The following LRFN2 variants were observed in gnomAD, a reference collection of about 807,000 sequenced individuals.
The protein encoded by LRFN2 is leucine rich repeat and fibronectin type III domain containing 2.
In LRFN2, 18 loss-of-function variants were observed where a neutral mutation model predicts 37.3. The observed-to-expected ratio is 0.48, with a 90% CI of 0.33 to 0.72. LRFN2 has a LOEUF of 0.72. Among genes scored for constraint, LRFN2 ranks in the 30% least tolerant of loss-of-function variants. The probability of loss-of-function intolerance (pLI) is 0.02; values close to 1 mark genes in which losing one functional copy is unlikely to be tolerated. For missense variants in LRFN2, 1,006 were observed against 1,060.7 expected, an observed-to-expected ratio of 0.95 and a Z score of 0.72; for synonymous variants, 556 against 466.6, an observed-to-expected ratio of 1.19 and a Z score of -2.47.
At chr6:40,498,294 C>T (rs933518748) in intron 1 of LRFN2, among the ~76,000 whole-genome samples, 2 of 152,182 alleles carry the variant, frequency 1.3e-5, no homozygotes, top group African/African-American at 4.8e-5. Flanking sequence ...CTTCTGCCCT[C>T]AGGTCCTTCC....
Position 40,540,305 on chromosome 6 carries a change from G to C in LRFN2, c.-19+46636C>G, listed in dbSNP as rs568630408. Among the ~76,000 whole-genome samples the C allele has an allele frequency of 3.0e-4, 46 of 152,326 alleles. No homozygotes were observed. In the South Asian group the frequency reaches 9.1e-3, roughly 30 times the overall value. On this transcript the variant is annotated intron_variant, in intron 1 of 2. Coordinates refer to ENST00000338305, the MANE Select transcript of LRFN2 (RefSeq NM_020737.3). ...GTTGCTGATTGTGAGTTGGCCCCTAGGCCAGCCCGTCCCTCCTCTGGGGTT... is the reference window on the plus strand; with the variant it reads ...GTTGCTGATTGTGAGTTGGCCCCTACGCCAGCCCGTCCCTCCTCTGGGGTT...
In LRFN2 at chr6:40,566,119, A is replaced by C. The variant is rs1767085663; in HGVS notation, c.-19+20822T>G. ...CAAAAGAAGACATTTATGCAGCCAA[A>C]AAACACATGAAAAAATGCTCATCAT... is the stretch of plus-strand genomic sequence containing the variant. On this transcript the variant is annotated intron_variant, in intron 1 of 2. Coordinates refer to ENST00000338305, the MANE Select transcript of LRFN2 (RefSeq NM_020737.3). Among the ~76,000 whole-genome samples, 3 of 152,372 alleles carry C rather than the reference A, an allele frequency of 2.0e-5. No homozygotes were observed. In the South Asian group the frequency reaches 6.2e-4, roughly 32 times the overall value.
At chr6:40,565,022 A>G (rs1767063155) in intron 1 of LRFN2, among the ~76,000 whole-genome samples, 1 of 152,220 alleles carries the variant, frequency 6.6e-6, no homozygotes, top group Non-Finnish European at 1.5e-5. Context: ...CTGTCAGTTC[A>G]ACTGAAAGCC....
chr6:40,431,938 G>C lies in LRFN2; in HGVS notation c.1176C>G (p.Pro392=). The C allele has an allele frequency of 6.2e-7, 1 of 1,613,280 alleles. No individual in the cohort carries two copies. Among genetic ancestry groups the C allele is most frequent in the Middle Eastern group, 1.7e-4 (1 of 6,050 alleles). ...LSNSTSRTAP[P]KSRLSDITGS... ...CAGTGATGTCTGAGAGGCGGGACTT[G>C]GGGGGTGCAGTGCGGCTGGTGCTGT... is the stretch of plus-strand genomic sequence containing the variant. Residue 392 remains proline (P), a synonymous_variant, in exon 2 of 3, where the codon CCC becomes CCG. Transcript: ENST00000338305.
At chr6:40,478,377 T>A (rs1470517126) in intron 1 of LRFN2, among the ~76,000 whole-genome samples, 1 of 152,230 alleles carries the variant, frequency 6.6e-6, no homozygotes, top group Non-Finnish European at 1.5e-5. Flanking sequence ...TATTTGTATA[T>A]GTTTACTCTG....
intron 1 of LRFN2, among the ~76,000 whole-genome samples, chr6:40,527,341 C>T (rs114372694): frequency 0.018 from 2,729 of 152,324 alleles, 47 homozygotes; most frequent in Admixed American, 0.039. Context: ...TTCAATGATG[C>T]TTACTCTGCA....
intron 1 of LRFN2, among the ~76,000 whole-genome samples, chr6:40,440,332 C>G (rs1403750803): frequency 6.6e-6 from 1 of 152,182 alleles, no homozygotes; most frequent in Non-Finnish European, 1.5e-5. Context: ...TGTGTTGCAA[C>G]ACAATTATGT....
intron 1 of LRFN2, among the ~76,000 whole-genome samples, chr6:40,453,554 A>ACACC (rs537437565): frequency 0.14 from 17,593 of 128,250 alleles, 1,936 homozygotes; most frequent in Middle Eastern, 0.18. Flanking sequence ...ACACACACAC[A>ACACC]CCTCCCTTTG....
rs144958575 is a variant in LRFN2, at chr6:40,559,124, G to T, written c.-19+27817C>A. Among the ~76,000 whole-genome samples the T allele has an allele frequency of 7.2e-5, 11 of 152,152 alleles. No individual in the cohort carries two copies. The South Asian group carries it at 1.5e-3, about 20-fold the overall frequency. On this transcript the variant is annotated intron_variant, in intron 1 of 2. Coordinates refer to ENST00000338305, the MANE Select transcript of LRFN2 (RefSeq NM_020737.3). ...AGAGATGAAGCCTCTGATGATATTGGGGGGAGGATGGATGGCCGCTGGGTG... is the reference window on the plus strand; with the variant it reads ...AGAGATGAAGCCTCTGATGATATTGTGGGGAGGATGGATGGCCGCTGGGTG...
chr6:40,551,240 A>G (rs1766773436), intron 1 of LRFN2, among the ~76,000 whole-genome samples: 1 of 152,210 alleles, frequency 6.6e-6, no homozygotes, highest in African/African-American at 2.4e-5. Context: ...TCCGGGCACT[A>G]TTCTGGGCAA....
At chr6:40,573,935 T>C (rs919388300) in intron 1 of LRFN2, among the ~76,000 whole-genome samples, 2 of 152,214 alleles carry the variant, frequency 1.3e-5, no homozygotes, top group African/African-American at 4.8e-5. Context: ...CACTGCAGCC[T>C]GGGCAACAAG....
In LRFN2 at chr6:40,392,093, G is replaced by T. The variant is rs200381010; in HGVS notation, c.2220C>A (p.Gly740=). 3 of 1,613,764 alleles carry T rather than the reference G, an allele frequency of 1.9e-6. No homozygotes were observed. Among genetic ancestry groups the T allele is most frequent in the East Asian group, 2.2e-5 (1 of 44,856 alleles). Reference sequence around the variant, plus strand: ...AGACCTTCCGAGGAGGACTGTAGCCGCCCGGCACGACCCCTCCCGCCGCCG... The same window carrying T: ...AGACCTTCCGAGGAGGACTGTAGCCTCCCGGCACGACCCCTCCCGCCGCCG... ...AAAAAGGVVP[G]GYSPPRKVSN... Residue 740 remains glycine (G), a synonymous_variant, in exon 3 of 3, where the codon GGC becomes GGA. Transcript: ENST00000338305. The surrounding 1 kb of genome is among the most constrained non-coding windows in gnomAD (Gnocchi z 4.7).
chr6:40,543,347 G>A (rs985838377), intron 1 of LRFN2, among the ~76,000 whole-genome samples: 1 of 152,176 alleles, frequency 6.6e-6, no homozygotes, highest in East Asian at 1.9e-4. Context: ...TCATGTATGT[G>A]CCTGTCTCAT....
At chr6:40,579,410 G>T (rs1767351389) in intron 1 of LRFN2, among the ~76,000 whole-genome samples, 1 of 152,106 alleles carries the variant, frequency 6.6e-6, no homozygotes, top group South Asian at 2.1e-4. Context: ...GTTTCTATTT[G>T]GGTAAGATGG....
intron 1 of LRFN2, among the ~76,000 whole-genome samples, chr6:40,553,667 G>T (rs988376685): frequency 2.6e-5 from 4 of 152,184 alleles, no homozygotes; most frequent in South Asian, 2.1e-4. Context: ...AAATGAAATT[G>T]GTCAATAGGG....
At chr6:40,400,836 GAGA>G (rs1762722929) in intron 2 of LRFN2, among the ~76,000 whole-genome samples, 1 of 151,794 alleles carries the variant, frequency 6.6e-6, no homozygotes, top group African/African-American at 2.4e-5. Context: ...GCCTGTGTGT[GAGA>G]AGATGTGTGT....
chr6:40,519,282 G>C (rs1291235388), intron 1 of LRFN2, among the ~76,000 whole-genome samples: 1 of 152,190 alleles, frequency 6.6e-6, no homozygotes, highest in Non-Finnish European at 1.5e-5. Flanking sequence ...CTGAGCTTCA[G>C]AGAGGTGGAA....
intron 1 of LRFN2, among the ~76,000 whole-genome samples, chr6:40,438,779 G>T (rs768570969): frequency 1.2e-4 from 18 of 152,090 alleles, no homozygotes; most frequent in Non-Finnish European, 2.2e-4. Context: ...GGCCTAACTG[G>T]CCCAGAAAGA....
intron 1 of LRFN2, among the ~76,000 whole-genome samples, chr6:40,572,365 G>A (rs2113795165): frequency 6.6e-6 from 1 of 152,330 alleles, no homozygotes; most frequent in Admixed American, 6.5e-5. Context: ...CCATTATCCA[G>A]TTCATTAGCC....
Sources: allele counts gnomAD v4.1 joint callset (sites outside exome capture counted in the v4.1 genomes callset), GRCh38; gene constraint gnomAD v4.1.1; non-coding constraint Gnocchi (gnomAD v3.1); transcripts MANE v1.5; gene names NCBI Gene and HGNC (gene_info 2026-07-23, HGNC 2026-07-21).